LVRN: variants seen among roughly 807,000 people sequenced by gnomAD.
The protein encoded by LVRN is aminopeptidase Q.
In LVRN, 99 loss-of-function variants were observed where a neutral mutation model predicts 111.4. The ratio of observed to expected loss-of-function variants is 0.89; its 90% CI spans 0.76 to 1.05. The LOEUF (loss-of-function observed/expected upper bound fraction) is 1.05, where lower values mean the gene tolerates loss of function less well. Ranked by LOEUF, LVRN falls within the 50% of genes least tolerant of loss-of-function variation. LVRN has a pLI of 0.00. For missense variants in LVRN, 1,414 were observed against 1,206.8 expected (o/e 1.17, Z -2.54); for synonymous variants, 488 against 449.5 (o/e 1.09, Z -1.08).
Position 116,026,238 on chromosome 5 carries a change from T to C in LVRN, c.*120T>C. 7.1e-7 allele frequency: 1 copy of C among 1,417,134 alleles called. No homozygotes were observed. The highest frequency in any genetic ancestry group is 9.6e-7 in the Non-Finnish European group (1 of 1,039,664). The allele number at this position is 1,417,134 out of a possible 1,614,324, so 87.8% of individuals were successfully genotyped here. A position where few individuals can be genotyped will look rare whatever the true frequency, so the allele number is the denominator to read the frequency against. On this transcript the variant is annotated 3_prime_UTR_variant, in exon 20 of 20. Coordinates refer to ENST00000357872, the MANE Select transcript of LVRN (RefSeq NM_173800.5). Reference sequence around the variant, plus strand: ...ATTTTATTTGTATTTCAGTCACATTTATTACTCAGAGTGCCATTCTTCTCA... The same window carrying C: ...ATTTTATTTGTATTTCAGTCACATTCATTACTCAGAGTGCCATTCTTCTCA...
intron 6 of LVRN, among the ~76,000 whole-genome samples, chr5:115,996,385 G>A (rs1443524343): frequency 6.6e-6 from 1 of 152,052 alleles, no homozygotes; most frequent in Admixed American, 6.6e-5. Flanking sequence ...TTTATCATTA[G>A]TTTCTTAGCC....
Position 116,014,541 on chromosome 5 carries a change from C to G in LVRN, c.2450+14C>G, listed in dbSNP as rs1213041599. ...TCCAGAAAATGAGTAAGAGTAATAT[C>G]ATAATTCCTCTTGTTTTTGTCCTAT... is the stretch of plus-strand genomic sequence containing the variant. On this transcript the variant is annotated intron_variant, in intron 16 of 19. Transcript: ENST00000357872. The G allele has an allele frequency of 6.3e-7, 1 of 1,578,316 alleles. No homozygotes were observed. The highest frequency in any genetic ancestry group is 1.3e-5 in the African/African-American group (1 of 74,320).
Position 115,984,548 on chromosome 5 carries a change from GAACT to G in LVRN, c.839-19_839-16del, listed in dbSNP as rs533605617. 768 of 1,611,526 alleles carry G rather than the reference GAACT, an allele frequency of 4.8e-4. 5 individuals carry two copies. The African/African-American group carries it at 8.9e-3, about 19-fold the overall frequency. ...TAATTGCTTAGATTTGCTGTGATTTGAACTAAAATAAAATTCTCTAGGTCAGTCT... is the reference window on the plus strand; with the variant it reads ...TAATTGCTTAGATTTGCTGTGATTTGAAAATAAAATTCTCTAGGTCAGTCT... On this transcript the variant is annotated intron_variant, in intron 2 of 19. Transcript: ENST00000357872.
chr5:116,001,232 A>G lies in LVRN; in HGVS notation c.1813A>G (p.Thr605Ala), dbSNP rs570673293. 1.9e-6 allele frequency: 3 copies of G among 1,613,370 alleles called. No individual in the cohort carries two copies. The highest frequency in any genetic ancestry group is 1.3e-5 in the African/African-American group (1 of 74,972). ...AAACATTAAAAATCGGACTCTTCTA[A>G]CCAGCAAGTAGGTAGCTTTGCTCCT... ...LENIKNRTLLTSNDTWIVPIL... is the reference protein window; with the variant it reads ...LENIKNRTLLASNDTWIVPIL... The change falls in exon 10 of 20, where the codon ACC (threonine) becomes GCC (alanine). Residue 605 changes from threonine (T) to alanine (A), a missense_variant. By Grantham distance (58) the Thr-to-Ala change is moderately conservative. Coordinates refer to ENST00000357872, the MANE Select transcript of LVRN (RefSeq NM_173800.5).
At chr5:116,000,105 G>A (rs952409) in intron 7 of LVRN, among the ~76,000 whole-genome samples, 12,201 of 152,134 alleles carry the variant, frequency 0.08, 657 homozygotes, top group East Asian at 0.19. Flanking sequence ...TAATGCTTGG[G>A]TCCATCAACC....
chr5:115,988,130 A>G (rs1477432495), intron 4 of LVRN, among the ~76,000 whole-genome samples, 191 bp downstream of exon 4: 1 of 152,172 alleles, frequency 6.6e-6, no homozygotes, highest in Non-Finnish European at 1.5e-5. Flanking sequence ...TTCTCTGTAC[A>G]GAGCCATGTG....
rs781296402 is a variant in LVRN, at chr5:115,963,067, C to A, written c.450C>A (p.Phe150Leu). 1.2e-6 allele frequency: 2 copies of A among 1,613,738 alleles called. No homozygotes were observed. Among genetic ancestry groups the A allele is most frequent in the Non-Finnish European group, 8.5e-7 (1 of 1,179,944 alleles). ...CTCGACTGCTGCTGCATAGCCTCTT[C>A]CAGGACTGCGAGCGCGCCGAGGTGC... The part of the protein sequence containing the change: ...ATSRLLLHSL[F>L]QDCERAEVRG... Residue 150 changes from phenylalanine (F) to leucine (L), a missense_variant, in exon 1 of 20, where the codon TTC becomes TTA. Physicochemically the swap from Phe to Leu is conservative, Grantham distance 22. Transcript: ENST00000357872.
In LVRN at chr5:115,992,000, G is replaced by C. The variant is rs145356217; in HGVS notation, c.1106-123G>C. 4,863 of 887,330 alleles carry C rather than the reference G, an allele frequency of 5.5e-3. 25 individuals carry two copies. Among genetic ancestry groups the C allele is most frequent in the Middle Eastern group, 0.011 (31 of 2,836 alleles). 55.0% of individuals were successfully genotyped at this position (887,330 alleles called of 1,614,324 possible). On this transcript the variant is annotated intron_variant, in intron 4 of 19. Transcript: ENST00000357872. Reference sequence around the variant, plus strand: ...TTAGTCTTTAAAAAGCCTTCTCTCCGTTCAGGTTATAAATATTCCCTTGAA... The same window carrying C: ...TTAGTCTTTAAAAAGCCTTCTCTCCCTTCAGGTTATAAATATTCCCTTGAA...
chr5:116,018,185 C>A (rs1275694697), intron 18 of LVRN, among the ~76,000 whole-genome samples: 6 of 152,080 alleles, frequency 3.9e-5, no homozygotes, highest in African/African-American at 1.5e-4. Flanking sequence ...CAATTAATAA[C>A]CAAGACTCAG....
At chr5:115,978,459 G>C (rs1368833862) in intron 1 of LVRN, among the ~76,000 whole-genome samples, 13 of 152,142 alleles carry the variant, frequency 8.5e-5, no homozygotes, top group Non-Finnish European at 1.5e-5. Flanking sequence ...GGGAAATTTA[G>C]TCTGTGGGGT....
intron 15 of LVRN, 21 bp from the exon 16 acceptor site, chr5:116,014,399 T>G: frequency 2.5e-6 from 4 of 1,585,288 alleles, no homozygotes; most frequent in Non-Finnish European, 2.6e-6. Flanking sequence ...TAAACTGTTT[T>G]TCTTTGACTT....
chr5:115,984,600 G>A lies in LVRN; in HGVS notation c.869G>A (p.Ser290Asn), dbSNP rs1580382415. 1 of 1,613,500 alleles carries A rather than the reference G, an allele frequency of 6.2e-7. No individual in the cohort carries two copies. Among genetic ancestry groups the A allele is most frequent in the Non-Finnish European group, 8.5e-7 (1 of 1,179,694 alleles). ...GQSEKEDVNGSKWTVTTFSTT... is the reference protein window; with the variant it reads ...GQSEKEDVNGNKWTVTTFSTT... ...TCTGAAAAAGAAGATGTGAATGGAA[G>A]CAAATGGACTGTTACAACCTTTTCC... Residue 290 changes from serine to asparagine, a missense_variant, in exon 3 of 20, where the codon AGC (serine) becomes AAC (asparagine). By Grantham distance (46) the Ser-to-Asn change is conservative (BLOSUM62 1). Transcript: ENST00000357872.
Position 115,983,433 on chromosome 5 carries a change from A to G in LVRN, c.838+4A>G, listed in dbSNP as rs965953184. On this transcript the variant is annotated splice_donor_region_variant and intron_variant, in intron 2 of 19. Transcript: ENST00000357872. ...CTTTCCAACATGCCAAAGCTAGGTA[A>G]GTAATGCTTTCTGTCTATATCTAGC... 1 of 1,592,874 alleles carries G rather than the reference A, an allele frequency of 6.3e-7. No homozygotes were observed. Among genetic ancestry groups the G allele is most frequent in the Admixed American group, 1.8e-5 (1 of 54,808 alleles).
chr5:116,003,211 A>C, intron 11 of LVRN, 30 bp from the exon 12 acceptor site: 1 of 1,538,902 alleles, frequency 6.5e-7, no homozygotes, highest in Non-Finnish European at 8.8e-7. Flanking sequence ...TAAATGTACC[A>C]TTTCAAATTA....
intron 1 of LVRN, among the ~76,000 whole-genome samples, chr5:115,964,744 A>C (rs1292565520): frequency 5.9e-5 from 9 of 152,198 alleles, no homozygotes; most frequent in African/African-American, 2.2e-4. Context: ...TTGTGTTGCT[A>C]ACTCTAGTGT....
rs546639120 is a variant in LVRN at position 115,988,880 on chromosome 5, C to T, written c.1105+941C>T. On this transcript the variant is annotated intron_variant, in intron 4 of 19. Coordinates refer to ENST00000357872, the MANE Select transcript of LVRN (RefSeq NM_173800.5). The stretch of plus-strand genomic sequence containing the variant: ...TTTCTGGGGCTGGAGGCTCCCAAGA[C>T]GCCCCTTGTCTTGGCAAGAAAAGTT... 1.2e-4 allele frequency among the ~76,000 whole-genome samples: 18 copies of T among 152,162 alleles called. 1 individual carries two copies. Among genetic ancestry groups the T allele is most frequent in the Non-Finnish European group, 1.8e-4 (12 of 68,026 alleles).
intron 18 of LVRN, among the ~76,000 whole-genome samples, chr5:116,019,265 CAATG>C (rs777043236): frequency 1.6e-4 from 24 of 152,240 alleles, no homozygotes; most frequent in Non-Finnish European, 2.1e-4. Context: ...TACAATGTTA[CAATG>C]ACTATGACAT....
intron 19 of LVRN, 128 bp downstream of exon 19, chr5:116,022,594 G>C (rs762382912): frequency 6.2e-6 from 4 of 650,006 alleles, no homozygotes; most frequent in Non-Finnish European, 1.1e-5. Context: ...TATTGGTGCT[G>C]TATCACTGTG....
Position 116,000,523 on chromosome 5 carries a change from C to G in LVRN, c.1581+25C>G, listed in dbSNP as rs143311257. Reference sequence around the variant, plus strand: ...GGTGAGTTTGCAAAATAGTCGTTACCTGGATGGCAGTAAACATAAATTCCA... The same window carrying G: ...GGTGAGTTTGCAAAATAGTCGTTACGTGGATGGCAGTAAACATAAATTCCA... On this transcript the variant is annotated intron_variant, in intron 8 of 19. Transcript: ENST00000357872. 1.5e-5 allele frequency: 24 copies of G among 1,613,202 alleles called. No homozygotes were observed. In the African/African-American group the frequency reaches 2.7e-4, roughly 18 times the overall value.
Sources: gnomAD v4.1 joint callset for allele counts (sites outside exome capture counted in the v4.1 genomes callset) on GRCh38, gnomAD v4.1.1 for gene constraint, MANE v1.5 for transcripts, NCBI Gene and HGNC (gene_info 2026-07-23, HGNC 2026-07-21) for gene names.